GOLGA6L9: variants seen among roughly 807,000 people sequenced by gnomAD.
The protein encoded by GOLGA6L9 is golgin A6 family like 9.
In GOLGA6L9, 19 loss-of-function variants were observed where a neutral mutation model predicts 51.3. The observed-to-expected ratio is 0.37, with a 90% confidence interval of 0.26 to 0.54. The LOEUF (loss-of-function observed/expected upper bound fraction) is 0.54, where lower values mean the gene tolerates loss of function less well. Ranked by LOEUF, GOLGA6L9 falls within the 20% of genes least tolerant of loss-of-function variation. The probability of loss-of-function intolerance (pLI) is 0.83; values close to 1 mark genes in which losing one functional copy is unlikely to be tolerated. For missense variants in GOLGA6L9, 247 were observed against 464.1 expected, an observed-to-expected ratio of 0.53 and a Z score of 4.30; for synonymous variants, 97 against 184.2, an observed-to-expected ratio of 0.53 and a Z score of 3.83.
chr15:82,432,869 G>C lies in GOLGA6L9; in HGVS notation c.317G>C (p.Ser106Thr). ...VALDSSSAIISQLTENINSLV... is the reference protein window; with the variant it reads ...VALDSSSAIITQLTENINSLV... ...CTGGATTCAAGCTCCGCAATAATCA[G>C]TCAACTCACTGAAAACATCAATTCA... is the stretch of plus-strand genomic sequence containing the variant. Residue 106 changes from serine (S) to threonine (T), a missense_variant, in exon 4 of 9, where the codon AGT becomes ACT. Ser to Thr is a moderately conservative substitution (Grantham distance 58). Around this residue, in one of 9 missense-constraint regions of GOLGA6L9, gnomAD observed 74 missense variants for 91.2 expected, o/e 0.81. Transcript: ENST00000618348. The C allele has an allele frequency of 6.2e-7, 1 of 1,612,380 alleles. No homozygotes were observed. Among genetic ancestry groups the C allele is most frequent in the Non-Finnish European group, 8.5e-7 (1 of 1,179,752 alleles).
chr15:82,429,832 G>C lies in GOLGA6L9; in HGVS notation c.-248G>C, dbSNP rs2435150. Among the ~76,000 whole-genome samples, 1 of 152,248 alleles carries C rather than the reference G, an allele frequency of 6.6e-6. No individual in the cohort carries two copies. Among genetic ancestry groups the C allele is most frequent in the South Asian group, 2.1e-4 (1 of 4,824 alleles). On this transcript the variant is annotated 5_prime_UTR_variant, in exon 1 of 9. Coordinates refer to ENST00000618348, the MANE Select transcript of GOLGA6L9 (RefSeq NM_198181.4). ...AGTGGGCGGCCTCTCCCCTCTCTCT[G>C]AGTGGGCGGGGACAGCGGTTGCATG... is the stretch of plus-strand genomic sequence containing the variant.
At position 82,434,334 on chromosome 15, in the gene GOLGA6L9, A is replaced by T. The variant is rs1231629624; in HGVS notation, c.734A>T (p.Gln245Leu). The change falls in exon 6 of 9, where the codon CAG becomes CTG. Residue 245 changes from glutamine to leucine, a missense_variant. By Grantham distance (113) the Gln-to-Leu change is moderately radical. Transcript: ENST00000618348. ...RLCEQEKLPG[Q>L]ERLLEEVEKL... The stretch of plus-strand genomic sequence containing the variant: ...TGTGAACAGGAGAAGCTGCCAGGGC[A>T]GGAGAGGCTGCTGGAAGAGGTGGAG... The T allele has an allele frequency of 1.3e-6, 2 of 1,535,432 alleles. No homozygotes were observed. The highest frequency in any genetic ancestry group is 2.7e-5 in the African/African-American group (2 of 73,034).
At position 82,433,171 on chromosome 15, in the gene GOLGA6L9, C is replaced by G. The variant is rs1452312277; in HGVS notation, c.345+274C>G. On this transcript the variant is annotated intron_variant, in intron 4 of 8. Coordinates refer to ENST00000618348, the MANE Select transcript of GOLGA6L9 (RefSeq NM_198181.4). Reference sequence around the variant, plus strand: ...TTGTCACCTCTCTGGGAAGCACTAGCCTGACTGGTTGTCAGAGGTCCATAT... The same window carrying G: ...TTGTCACCTCTCTGGGAAGCACTAGGCTGACTGGTTGTCAGAGGTCCATAT... Among the ~76,000 whole-genome samples, 9 of 151,114 alleles carry G rather than the reference C, an allele frequency of 6.0e-5. No homozygotes were observed. The South Asian group carries it at 1.7e-3, about 29-fold the overall frequency.
intron 1 of GOLGA6L9, 101 bp downstream of exon 1, chr15:82,430,264 G>A: frequency 1.2e-5 from 5 of 401,300 alleles, no homozygotes; most frequent in Middle Eastern, 5.7e-4. Context: ...TACCAGATGG[G>A]GCCCCCCAAC....
the GOLGA6L9 span, among the ~76,000 whole-genome samples, chr15:82,420,636 G>A: frequency 1.6e-4 from 24 of 151,896 alleles, no homozygotes; most frequent in African/African-American, 5.6e-4. Flanking sequence ...GTCACAGGTG[G>A]CAGAGCAAGG....
In GOLGA6L9 at chr15:82,429,834, G is replaced by C. The variant is rs2031344356; in HGVS notation, c.-246G>C. 6.6e-6 allele frequency among the ~76,000 whole-genome samples: 1 copy of C among 152,120 alleles called. No individual in the cohort carries two copies. Among genetic ancestry groups the C allele is most frequent in the African/African-American group, 2.4e-5 (1 of 41,408 alleles). On this transcript the variant is annotated 5_prime_UTR_variant, in exon 1 of 9. Transcript: ENST00000618348. ...TGGGCGGCCTCTCCCCTCTCTCTGAGTGGGCGGGGACAGCGGTTGCATGGG... is the reference window on the plus strand; with the variant it reads ...TGGGCGGCCTCTCCCCTCTCTCTGACTGGGCGGGGACAGCGGTTGCATGGG...
rs2031555529 is a variant in GOLGA6L9, at chr15:82,434,240, A to T, written c.640A>T (p.Arg214Trp). The T allele has an allele frequency of 1.3e-6, 2 of 1,551,508 alleles. No homozygotes were observed. The highest frequency in any genetic ancestry group is 4.7e-5 in the East Asian group (2 of 42,606). ...GGAGAGGCTACGTGAACAGGAGGAG[A>T]GGCTGTGTGAACAGGAGGAGAGGCT... ...QEERLREQEERLCEQEERLCE... is the reference protein window; with the variant it reads ...QEERLREQEEWLCEQEERLCE... The change falls in exon 6 of 9, where the codon AGG becomes TGG. Residue 214 changes from arginine to tryptophan, a missense_variant. Around this residue, in one of 9 missense-constraint regions of GOLGA6L9, gnomAD observed 66 missense variants for 66.2 expected, o/e 1.00. Coordinates refer to ENST00000618348, the MANE Select transcript of GOLGA6L9 (RefSeq NM_198181.4).
chr15:82,432,737 C>A (rs2031461249), intron 3 of GOLGA6L9, 80 bp from the exon 4 acceptor site: 1 of 1,574,472 alleles, frequency 6.4e-7, no homozygotes, highest in Admixed American at 1.7e-5. Context: ...AGCCCACACA[C>A]CCCCACCAGC....
At chr15:82,419,574 C>T in the GOLGA6L9 span, among the ~76,000 whole-genome samples, 2,686 of 151,886 alleles carry the variant, frequency 0.018, 28 homozygotes, top group Non-Finnish European at 0.025. Flanking sequence ...TGTGTGAACC[C>T]GGGAGGCAGA....
In GOLGA6L9 at chr15:82,436,866, C is replaced by T. The variant is rs2031710657; in HGVS notation, c.*455C>T. ...CTGCCATGCTTTTTTAATGTTAGTACAGCCTGTATATTCATTACGGAATTC... is the reference window on the plus strand; with the variant it reads ...CTGCCATGCTTTTTTAATGTTAGTATAGCCTGTATATTCATTACGGAATTC... On this transcript the variant is annotated 3_prime_UTR_variant, in exon 9 of 9. Coordinates refer to ENST00000618348, the MANE Select transcript of GOLGA6L9 (RefSeq NM_198181.4). The T allele has an allele frequency of 6.3e-6, 1 of 159,576 alleles. No individual in the cohort carries two copies. Among genetic ancestry groups the T allele is most frequent in the East Asian group, 1.9e-4 (1 of 5,176 alleles). 9.9% of individuals were successfully genotyped at this position (159,576 alleles called of 1,614,324 possible).
rs2031834214 is a variant in GOLGA6L9 at position 82,439,045 on chromosome 15, T to C, written c.*2634T>C. On this transcript the variant is annotated 3_prime_UTR_variant, in exon 9 of 9. Transcript: ENST00000618348. ...TATGAATTCTTATACACAGAATGCA[T>C]AATGGAAATACTGATTTTTGTCTAA... 1 of 151,082 alleles carries C rather than the reference T, an allele frequency of 6.6e-6. No homozygotes were observed. Among genetic ancestry groups the C allele is most frequent in the African/African-American group, 2.4e-5 (1 of 40,878 alleles). 9.4% of individuals were successfully genotyped at this position (151,082 alleles called of 1,614,324 possible). A position where few individuals can be genotyped will look rare whatever the true frequency, so the allele number is the denominator to read the frequency against.
the GOLGA6L9 span, chr15:82,419,227 G>A: frequency 3.9e-6 from 1 of 257,452 alleles, no homozygotes; most frequent in South Asian, 5.4e-5. Context: ...GGGTGGAGGA[G>A]CATTATGTAT....
rs1231629624 is a variant in GOLGA6L9, at chr15:82,434,334, A to C, written c.734A>C (p.Gln245Pro). 5.9e-6 allele frequency: 9 copies of C among 1,535,434 alleles called. No homozygotes were observed. The East Asian group carries it at 1.9e-4, about 33-fold the overall frequency. Residue 245 changes from glutamine to proline, a missense_variant, in exon 6 of 9, where the codon CAG (glutamine) becomes CCG (proline). This residue lies in a region of GOLGA6L9 where 66 missense variants were observed against 66.2 expected (regional missense o/e 1.00). Transcript: ENST00000618348. ...TGTGAACAGGAGAAGCTGCCAGGGC[A>C]GGAGAGGCTGCTGGAAGAGGTGGAG... is the stretch of plus-strand genomic sequence containing the variant. ...RLCEQEKLPGQERLLEEVEKL... is the reference protein window; with the variant it reads ...RLCEQEKLPGPERLLEEVEKL...
chr15:82,429,142 T>G (rs1301447396), upstream of GOLGA6L9, among the ~76,000 whole-genome samples: 396 of 151,776 alleles, frequency 2.6e-3, 1 homozygote, highest in Non-Finnish European at 4.7e-3. Flanking sequence ...TGGCATGAGC[T>G]TGGCTCACTG....
chr15:82,424,625 C>T, the GOLGA6L9 span, among the ~76,000 whole-genome samples: 3 of 151,652 alleles, frequency 2.0e-5, no homozygotes, highest in Non-Finnish European at 2.9e-5. Context: ...TAACTATGAC[C>T]GTAGACACTC....
In GOLGA6L9 at chr15:82,429,987, A is replaced by G. The variant is rs1337761924; in HGVS notation, c.-93A>G. 1.9e-5 allele frequency: 17 copies of G among 897,792 alleles called. No homozygotes were observed. The highest frequency in any genetic ancestry group is 3.0e-5 in the Non-Finnish European group (16 of 534,768). 55.6% of individuals were successfully genotyped at this position (897,792 alleles called of 1,614,324 possible). Reference sequence around the variant, plus strand: ...AGGCCACGCCCCTATTCTGCGTTCCATTGGTGCCCTGGTTACGCCACCTGT... The same window carrying G: ...AGGCCACGCCCCTATTCTGCGTTCCGTTGGTGCCCTGGTTACGCCACCTGT... On this transcript the variant is annotated 5_prime_UTR_variant, in exon 1 of 9. Coordinates refer to ENST00000618348, the MANE Select transcript of GOLGA6L9 (RefSeq NM_198181.4).
Position 82,438,562 on chromosome 15 carries a change from A to G in GOLGA6L9, c.*2151A>G, listed in dbSNP as rs1232069370. On this transcript the variant is annotated 3_prime_UTR_variant, in exon 9 of 9. Coordinates refer to ENST00000618348, the MANE Select transcript of GOLGA6L9 (RefSeq NM_198181.4). Reference sequence around the variant, plus strand: ...GCAGCCTTTAATTTGCTTAGAAGGCAACATTAGAAGGTTAGAGTTCAGCAG... The same window carrying G: ...GCAGCCTTTAATTTGCTTAGAAGGCGACATTAGAAGGTTAGAGTTCAGCAG... The G allele has an allele frequency of 6.8e-6, 1 of 147,376 alleles. No individual in the cohort carries two copies. The highest frequency in any genetic ancestry group is 2.0e-4 in the East Asian group (1 of 5,078). The allele number at this position is 147,376 out of a possible 1,614,324, so 9.1% of individuals were successfully genotyped here. A position where few individuals can be genotyped will look rare whatever the true frequency, so the allele number is the denominator to read the frequency against.
At position 82,439,140 on chromosome 15, in the gene GOLGA6L9, G is replaced by C. The variant is rs2031839314; in HGVS notation, c.*2729G>C. ...CATTATTAAATTGTTTCAAGGTGCTGTTTTGCCTAAAAATTTTGTGTGTCT... is the reference window on the plus strand; with the variant it reads ...CATTATTAAATTGTTTCAAGGTGCTCTTTTGCCTAAAAATTTTGTGTGTCT... On this transcript the variant is annotated 3_prime_UTR_variant, in exon 9 of 9. Coordinates refer to ENST00000618348, the MANE Select transcript of GOLGA6L9 (RefSeq NM_198181.4). 1.3e-5 allele frequency: 2 copies of C among 151,190 alleles called. No individual in the cohort carries two copies. Among genetic ancestry groups the C allele is most frequent in the African/African-American group, 2.5e-5 (1 of 40,800 alleles). 9.4% of individuals were successfully genotyped at this position (151,190 alleles called of 1,614,324 possible).
At chr15:82,417,193 G>C in the GOLGA6L9 span, among the ~76,000 whole-genome samples, 69 of 152,334 alleles carry the variant, frequency 4.5e-4, no homozygotes, top group East Asian at 0.013. Flanking sequence ...TTGCTGTACA[G>C]CTTTGACAAC....
Sources: allele counts gnomAD v4.1 joint callset (sites outside exome capture counted in the v4.1 genomes callset), GRCh38; gene constraint gnomAD v4.1.1; regional missense constraint gnomAD v4.1.1; transcripts MANE v1.5; gene names NCBI Gene and HGNC (gene_info 2026-07-23, HGNC 2026-07-21).